Variants in NALF1 observed in about 807,000 individuals in gnomAD.
NALF1 encodes the protein family with sequence similarity 155 member A.
NALF1 carries 3 observed loss-of-function variants against 48.4 expected under a neutral mutation model. The observed-to-expected ratio is 0.06, with a 90% confidence interval of 0.03 to 0.16. The LOEUF is 0.16. Among genes scored for constraint, NALF1 ranks in the 10% least tolerant of loss-of-function variants. NALF1 has a pLI of 1.00. For synonymous variants in NALF1, 262 were observed against 245.7 expected, an observed-to-expected ratio of 1.07 and a Z score of -0.62; for missense variants, 526 against 571.5, an observed-to-expected ratio of 0.92 and a Z score of 0.81.
chr13:107,836,630 TTC>T (rs1414022138), intron 1 of NALF1, among the ~76,000 whole-genome samples: 2 of 152,134 alleles, frequency 1.3e-5, no homozygotes, highest in Non-Finnish European at 2.9e-5. Flanking sequence ...TCCAATAATA[TTC>T]TGAGTTAAGT....
chr13:107,463,250 G>T (rs1462591490), intron 1 of NALF1, among the ~76,000 whole-genome samples: 10 of 152,166 alleles, frequency 6.6e-5, no homozygotes, highest in Non-Finnish European at 1.3e-4. Flanking sequence ...TAGGTTTACA[G>T]TTAGAGTTAA....
intron 1 of NALF1, among the ~76,000 whole-genome samples, chr13:107,248,898 C>CTGTTTTGT (rs1163882060): frequency 6.6e-6 from 1 of 151,074 alleles, no homozygotes; most frequent in African/African-American, 2.4e-5. Context: ...ACAATACAGA[C>CTGTTTTGT]AATTCAAAAA....
intron 1 of NALF1, among the ~76,000 whole-genome samples, chr13:107,363,811 T>C (rs1050557569): frequency 1.3e-5 from 2 of 152,218 alleles, no homozygotes; most frequent in Non-Finnish European, 2.9e-5. Flanking sequence ...ACATTCTATT[T>C]TGTTTCAAAG....
At chr13:107,343,423 T>C in intron 1 of NALF1, among the ~76,000 whole-genome samples, 1 of 152,182 alleles carries the variant, frequency 6.6e-6, no homozygotes, top group East Asian at 1.9e-4. Flanking sequence ...GCTGCTCTCA[T>C]GATAGTAAAT....
chr13:107,771,182 A>G (rs1425068419), intron 1 of NALF1, among the ~76,000 whole-genome samples: 3 of 152,042 alleles, frequency 2.0e-5, no homozygotes, highest in Non-Finnish European at 4.4e-5. Context: ...GAACTTTTAA[A>G]TTTTACTTTC....
chr13:107,424,224 A>T (rs1162597838), intron 1 of NALF1, among the ~76,000 whole-genome samples: 1 of 152,076 alleles, frequency 6.6e-6, no homozygotes, highest in Non-Finnish European at 1.5e-5. Context: ...TGCAATCTCC[A>T]CCTCCCAGGC....
chr13:107,348,871 T>C (rs1452254579), intron 1 of NALF1, among the ~76,000 whole-genome samples: 1 of 152,212 alleles, frequency 6.6e-6, no homozygotes. Context: ...CTCATTACCG[T>C]TTCCCTCATG....
intron 1 of NALF1, among the ~76,000 whole-genome samples, chr13:107,853,434 C>T (rs1490389321): frequency 1.3e-5 from 2 of 152,102 alleles, no homozygotes; most frequent in Admixed American, 1.3e-4. Flanking sequence ...AGTTTCTTTT[C>T]CTGTGGACAC....
chr13:107,559,304 G>A (rs560730357), intron 1 of NALF1, among the ~76,000 whole-genome samples: 4 of 152,206 alleles, frequency 2.6e-5, no homozygotes, highest in South Asian at 4.1e-4. Context: ...TTCATTGCTC[G>A]CTTATGTATT....
chr13:107,827,862 G>C (rs897680524), intron 1 of NALF1, among the ~76,000 whole-genome samples: 19 of 152,076 alleles, frequency 1.2e-4, no homozygotes, highest in African/African-American at 4.6e-4. Context: ...ATTTAAGTTG[G>C]GTAAATTTTG....
chr13:107,707,616 T>C (rs1875436396), intron 1 of NALF1, among the ~76,000 whole-genome samples: 1 of 152,214 alleles, frequency 6.6e-6, no homozygotes, highest in South Asian at 2.1e-4. Flanking sequence ...CACAGACCAG[T>C]TGTGGTCACT....
intron 1 of NALF1, among the ~76,000 whole-genome samples, chr13:107,865,430 C>A (rs1674017656): frequency 6.6e-6 from 1 of 152,048 alleles, no homozygotes; most frequent in African/African-American, 2.4e-5. Flanking sequence ...GTTAAAGTGC[C>A]AGCTTGATTA....
At chr13:107,374,429 T>A (rs1883301227) in intron 1 of NALF1, among the ~76,000 whole-genome samples, 1 of 152,210 alleles carries the variant, frequency 6.6e-6, no homozygotes, top group Admixed American at 6.5e-5. Context: ...TCTATCAAAT[T>A]CTAAAATATA....
chr13:107,711,277 T>C (rs1240526160), intron 1 of NALF1, among the ~76,000 whole-genome samples: 1 of 152,214 alleles, frequency 6.6e-6, no homozygotes, highest in African/African-American at 2.4e-5. Context: ...GGTTATGAAA[T>C]TGAATTATGC....
intron 1 of NALF1, among the ~76,000 whole-genome samples, chr13:107,348,341 C>T (rs1238694920): frequency 6.6e-6 from 1 of 151,974 alleles, no homozygotes; most frequent in Admixed American, 6.6e-5. Flanking sequence ...TACGTTCACT[C>T]GGAAGTAAAT....
At chr13:107,437,683 G>T (rs564668945) in intron 1 of NALF1, among the ~76,000 whole-genome samples, 67 of 152,346 alleles carry the variant, frequency 4.4e-4, no homozygotes, top group Admixed American at 2.0e-3. Context: ...CTCAATGGCA[G>T]ACCATGTGAG....
Position 107,492,032 on chromosome 13 carries a change from G to GTTTTTTTTT in NALF1, c.916-281286_916-281278dup, listed in dbSNP as rs762750416. ...GTTTCATTTTTACAAGCCTGTCTGG[G>GTTTTTTTTT]TTTTTTTTTGTTTTTTTTTTTTTTT... On this transcript the variant is annotated intron_variant, in intron 1 of 2. Transcript: ENST00000375915. Among the ~76,000 whole-genome samples the GTTTTTTTTT allele has an allele frequency of 8.7e-5, 9 of 103,366 alleles. 2 individuals carry two copies. Among genetic ancestry groups the GTTTTTTTTT allele is most frequent in the Non-Finnish European group, 9.5e-5 (5 of 52,744 alleles). 67.8% of individuals were successfully genotyped at this position (103,366 alleles called of 152,430 possible). A position where few individuals can be genotyped will look rare whatever the true frequency, so the allele number is the denominator to read the frequency against.
intron 1 of NALF1, among the ~76,000 whole-genome samples, chr13:107,218,800 G>C (rs1316382365): frequency 9.9e-6 from 1 of 101,240 alleles, no homozygotes; most frequent in African/African-American, 3.8e-5. Flanking sequence ...ATTGTTCTGA[G>C]CTCATGGAAG....
chr13:107,860,730 T>C (rs1304727322), intron 1 of NALF1, among the ~76,000 whole-genome samples: 1 of 152,232 alleles, frequency 6.6e-6, no homozygotes, highest in Non-Finnish European at 1.5e-5. Context: ...ATTAAAGCAA[T>C]AGTTCACATC....
Sources: allele counts gnomAD v4.1 joint callset (sites outside exome capture counted in the v4.1 genomes callset), GRCh38; gene constraint gnomAD v4.1.1; transcripts MANE v1.5; gene names NCBI Gene and HGNC (gene_info 2026-07-23, HGNC 2026-07-21).